The following CAPN12 variants were observed in gnomAD, a reference collection of about 807,000 sequenced individuals.
CAPN12 encodes calpain-12.
A neutral mutation model predicts 95.0 loss-of-function variants in CAPN12; 107 were observed. That is an observed-to-expected ratio of 1.13 (90% confidence interval 0.96 to 1.32). CAPN12 has a LOEUF of 1.32. Among genes scored for constraint, CAPN12 ranks in the 40% most tolerant of loss-of-function variants. The pLI is 0.00. For missense variants in CAPN12, 1,136 were observed against 997.8 expected (o/e 1.14, Z -1.87); for synonymous variants, 505 against 415.5 (o/e 1.22, Z -2.62).
rs201798417 is a variant in CAPN12 at position 38,744,125 on chromosome 19, T to A, written c.41A>T (p.Asp14Val). 4.8e-5 allele frequency: 77 copies of A among 1,613,954 alleles called. No homozygotes were observed. The highest frequency in any genetic ancestry group is 1.6e-4 in the Middle Eastern group (1 of 6,084). The change falls in exon 1 of 21, where the codon GAT (aspartate) becomes GTT (valine). Residue 14 changes from aspartate to valine, a missense_variant. By Grantham distance (152) the Asp-to-Val change is radical (BLOSUM62 -3). Transcript: ENST00000328867. ...CCCGGCTCCGACCCCAGCCTCCTCA[T>A]CCACGAGCTGGATGGTGACCCTCCC... Reference protein sequence around the residue: ...SSGRVTIQLVDEEAGVGAGRL... With the variant: ...SSGRVTIQLVVEEAGVGAGRL...
intron 10 of CAPN12, 172 bp from the exon 11 acceptor site, chr19:38,736,735 C>A: frequency 1.3e-6 from 1 of 782,464 alleles, no homozygotes; most frequent in East Asian, 2.8e-5. Context: ...CGACCCCTCC[C>A]CAACTCTTCC....
intron 12 of CAPN12, 71 bp from the exon 13 acceptor site, chr19:38,735,615 A>T: frequency 6.6e-7 from 1 of 1,515,446 alleles, no homozygotes; most frequent in South Asian, 1.2e-5. Flanking sequence ...ACGGGGTCTC[A>T]GGTGAGGAAT....
chr19:38,740,256 T>C, intron 4 of CAPN12, 37 bp from the exon 5 acceptor site: 4 of 1,538,140 alleles, frequency 2.6e-6, no homozygotes, highest in Middle Eastern at 1.8e-4. Flanking sequence ...TTGAGGCAAG[T>C]ACAAGCGTCT....
At position 38,735,469 on chromosome 19, in the gene CAPN12, G is replaced by A. The variant is rs202202307; in HGVS notation, c.1626+33C>T. 925 of 1,610,476 alleles carry A rather than the reference G, an allele frequency of 5.7e-4. 7 individuals carry two copies. In the East Asian group the frequency reaches 0.016, roughly 27 times the overall value. ...AAGTTTAGCGCTGGCCAAGATCCCC[G>A]CCCCATGCCGCCCCTCCAGGAACAG... On this transcript the variant is annotated intron_variant, in intron 13 of 20. Transcript: ENST00000328867.
In CAPN12 at chr19:38,736,583, G is replaced by C. The variant is rs1475118316; in HGVS notation, c.1363-20C>G. On this transcript the variant is annotated intron_variant, in intron 10 of 20. Coordinates refer to ENST00000328867, the MANE Select transcript of CAPN12 (RefSeq NM_144691.4). ...TGGAATCTGAAAGAAGCAAGAGCAAGGGGCGTCGGGGCAGGGGAGAGGTGG... is the reference window on the plus strand; with the variant it reads ...TGGAATCTGAAAGAAGCAAGAGCAACGGGCGTCGGGGCAGGGGAGAGGTGG... The C allele has an allele frequency of 5.0e-6, 8 of 1,603,956 alleles. No homozygotes were observed. The highest frequency in any genetic ancestry group is 6.8e-6 in the Non-Finnish European group (8 of 1,176,048).
Position 38,735,543 on chromosome 19 carries a change from C to G in CAPN12, c.1585G>C (p.Glu529Gln). Residue 529 changes from glutamate (E) to glutamine (Q), a missense_variant and splice_region_variant, in exon 13 of 21, where the codon GAG (glutamate) becomes CAG (glutamine). Coordinates refer to ENST00000328867, the MANE Select transcript of CAPN12 (RefSeq NM_144691.4). ...TCTGCGCTGATCACGTCGTCGATCT[C>G]CCTGCAAATTACAGATGGGAAGTGG... ...VFSERRHTAV[E>Q]IDDVISADLQ... 6.2e-7 allele frequency: 1 copy of G among 1,609,702 alleles called. No homozygotes were observed. The highest frequency in any genetic ancestry group is 8.5e-7 in the Non-Finnish European group (1 of 1,179,118).
chr19:38,731,190 A>AGGGTCT lies in CAPN12; in HGVS notation c.1985_1990dup (p.Gln662_Thr663dup). The stretch of plus-strand genomic sequence containing the variant: ...ACGGCTATCCCGGTAGCGGCTGGTG[A>AGGGTCT]GGGTCTGGGTCAGCTGGTTGTTCAG... On this transcript the variant is annotated inframe_insertion, in exon 19 of 21. Transcript: ENST00000328867. 2.5e-6 allele frequency: 4 copies of AGGGTCT among 1,612,470 alleles called. No individual in the cohort carries two copies. Among genetic ancestry groups the AGGGTCT allele is most frequent in the Non-Finnish European group, 3.4e-6 (4 of 1,179,922 alleles).
Position 38,744,053 on chromosome 19 carries a change from G to A in CAPN12, c.113C>T (p.Ala38Val). 1.2e-6 allele frequency: 2 copies of A among 1,614,264 alleles called. No homozygotes were observed. The highest frequency in any genetic ancestry group is 1.7e-6 in the Non-Finnish European group (2 of 1,180,048). ...GAACAGGATCCCCGAATCCAGGCAG[G>A]CTGCCCGAATTGCCTCATAGCTCTG... ...RGQSYEAIRA[A>V]CLDSGILFRD... is the part of the protein sequence containing the mutation. The change falls in exon 1 of 21, where the codon GCC becomes GTC. Residue 38 changes from alanine (A) to valine (V), a missense_variant. Ala to Val is a moderately conservative substitution (Grantham distance 64). Transcript: ENST00000328867.
At chr19:38,734,896 G>A (rs1411393697) in intron 14 of CAPN12, 26 bp from the exon 15 acceptor site, 3 of 1,610,534 alleles carry the variant, frequency 1.9e-6, no homozygotes, top group Middle Eastern at 1.7e-4. Flanking sequence ...GGGCTTGTGA[G>A]GCCATTTACT....
At position 38,730,843 on chromosome 19, in the gene CAPN12, C is replaced by A. The variant is rs1358895858; in HGVS notation, c.*9G>T. 3.2e-6 allele frequency: 5 copies of A among 1,551,014 alleles called. No individual in the cohort carries two copies. Among genetic ancestry groups the A allele is most frequent in the Non-Finnish European group, 2.6e-6 (3 of 1,147,234 alleles). ...TGCCCTGAGCAGCAGGTGCGCCCAT[C>A]CGGAGATCCTAGGAGAAGGTGGCCA... On this transcript the variant is annotated 3_prime_UTR_variant, in exon 21 of 21. Coordinates refer to ENST00000328867, the MANE Select transcript of CAPN12 (RefSeq NM_144691.4).
rs780632276 is a variant in CAPN12, at chr19:38,744,306, G to A, written c.-141C>T. The A allele has an allele frequency of 4.9e-6, 4 of 819,324 alleles. No homozygotes were observed. The highest frequency in any genetic ancestry group is 5.9e-6 in the Non-Finnish European group (3 of 510,346). 50.8% of individuals were successfully genotyped at this position (819,324 alleles called of 1,614,324 possible). A position where few individuals can be genotyped will look rare whatever the true frequency, so the allele number is the denominator to read the frequency against. ...TCGTTAATATTAATTGATGGTTTGG[G>A]GTGCTGGGGAGCAGGGACGCCTCTT... is the stretch of plus-strand genomic sequence containing the variant. On this transcript the variant is annotated 5_prime_UTR_variant, in exon 1 of 21. Coordinates refer to ENST00000328867, the MANE Select transcript of CAPN12 (RefSeq NM_144691.4).
chr19:38,734,345 A>G lies in CAPN12; in HGVS notation c.1789T>C (p.Cys597Arg). The G allele has an allele frequency of 6.2e-7, 1 of 1,608,254 alleles. No individual in the cohort carries two copies. The highest frequency in any genetic ancestry group is 8.5e-7 in the Non-Finnish European group (1 of 1,176,910). Residue 597 changes from cysteine (C) to arginine (R), a missense_variant, in exon 16 of 21, where the codon TGT (cysteine) becomes CGT (arginine). By Grantham distance (180) the Cys-to-Arg change is radical. Transcript: ENST00000328867. Reference sequence around the variant, plus strand: ...CCGAAACACTGCAGCAGCTGCTCACAGGTCCTGAGCCCGATCTCTCTGGGG... The same window carrying G: ...CCGAAACACTGCAGCAGCTGCTCACGGGTCCTGAGCCCGATCTCTCTGGGG... The part of the protein sequence containing the change: ...STPREIGLRT[C>R]EQLLQCFGHG...
At chr19:38,731,339 C>G in intron 18 of CAPN12, 116 bp from the exon 19 acceptor site, 1 of 763,786 alleles carries the variant, frequency 1.3e-6, no homozygotes, top group South Asian at 1.5e-5. Flanking sequence ...CACCCCAACT[C>G]TGCCCCATCC....
chr19:38,737,546 C>G lies in CAPN12; in HGVS notation c.1058G>C (p.Gly353Ala). The change falls in exon 9 of 21, where the codon GGC becomes GCC. Residue 353 changes from glycine (G) to alanine (A), a missense_variant. Gly to Ala is a moderately conservative substitution (Grantham distance 60). Transcript: ENST00000328867. ...EVLGPSPEGG[G>A]WHVHTFQGRW... The stretch of plus-strand genomic sequence containing the variant: ...GCCTTGGAAGGTGTGGACGTGCCAG[C>G]CGCCCCCCTCCGGGCTGGGGCCCAG... 3 of 1,612,496 alleles carry G rather than the reference C, an allele frequency of 1.9e-6. No individual in the cohort carries two copies. The South Asian group carries it at 3.3e-5, about 18-fold the overall frequency.
At chr19:38,742,915 G>A (rs1282819089) in intron 2 of CAPN12, 118 bp downstream of exon 2, 9 of 780,446 alleles carry the variant, frequency 1.2e-5, no homozygotes, top group Non-Finnish European at 2.0e-5. Context: ...GGCCTAGGGA[G>A]AGAAGAGACT....
intron 18 of CAPN12, 195 bp downstream of exon 18, chr19:38,733,508 C>A: frequency 1.7e-6 from 1 of 579,674 alleles, no homozygotes; most frequent in Admixed American, 3.1e-5. Context: ...CCACACACGC[C>A]CCTTGCCCTT....
Position 38,739,534 on chromosome 19 carries a change from A to G in CAPN12, c.729+517T>C, listed in dbSNP as rs1268374992. The G allele has an allele frequency of 3.3e-5, 5 of 149,844 alleles. No individual in the cohort carries two copies. The Admixed American group carries it at 3.4e-4, about 10-fold the overall frequency. The allele number at this position is 149,844 out of a possible 1,614,324, so 9.3% of individuals were successfully genotyped here. A position where few individuals can be genotyped will look rare whatever the true frequency, so the allele number is the denominator to read the frequency against. ...AAAGATACAGAAGAGAGAAACAGAC[A>G]CAAAAGAAAAAGAGAAGCAGTAACT... On this transcript the variant is annotated intron_variant, in intron 5 of 20. Transcript: ENST00000328867.
rs1969498726 is a variant in CAPN12, at chr19:38,730,498, A to G, written c.*354T>C. 1 of 301,266 alleles carries G rather than the reference A, an allele frequency of 3.3e-6. No individual in the cohort carries two copies. The highest frequency in any genetic ancestry group is 4.7e-5 in the Admixed American group (1 of 21,496). The allele number at this position is 301,266 out of a possible 1,614,324, so 18.7% of individuals were successfully genotyped here. ...TCTGGATAAACCACCCTCTGGGGAC[A>G]GGATAATAAAACATGTAATATTTTT... On this transcript the variant is annotated 3_prime_UTR_variant, in exon 21 of 21. Coordinates refer to ENST00000328867, the MANE Select transcript of CAPN12 (RefSeq NM_144691.4).
At chr19:38,736,360 G>C in intron 11 of CAPN12, 42 bp from the exon 12 acceptor site, 1 of 1,461,784 alleles carries the variant, frequency 6.8e-7, no homozygotes, top group Non-Finnish European at 9.1e-7. Context: ...GCTCACCCCC[G>C]GCCCTTCATC....
Sources: allele counts gnomAD v4.1 joint callset, GRCh38; gene constraint gnomAD v4.1.1; transcripts MANE v1.5; gene names NCBI Gene and HGNC (gene_info 2026-07-23, HGNC 2026-07-21).